LRRTM4: variants seen among roughly 807,000 people sequenced by gnomAD.
LRRTM4 encodes leucine rich repeat transmembrane neuronal 4.
Under a neutral mutation model 47.6 loss-of-function variants are expected in LRRTM4, and 25 were observed. That is an observed-to-expected ratio of 0.53 (90% confidence interval 0.38 to 0.73). The LOEUF (loss-of-function observed/expected upper bound fraction) is 0.73. Ranked by LOEUF, LRRTM4 falls within the 30% of genes least tolerant of loss-of-function variation. The pLI is 0.00. For synonymous variants in LRRTM4, 311 were observed against 269.5 expected (o/e 1.15, Z -1.51); for missense variants, 638 against 713.4 (o/e 0.89, Z 1.20).
At chr2:76,968,994 C>T (rs1274174386) in intron 3 of LRRTM4, among the ~76,000 whole-genome samples, 3 of 151,848 alleles carry the variant, frequency 2.0e-5, no homozygotes, top group South Asian at 2.1e-4. Flanking sequence ...GAGACCGCTG[C>T]CTTTATTGGC....
intron 3 of LRRTM4, among the ~76,000 whole-genome samples, chr2:77,087,504 T>G (rs557388227): frequency 6.6e-6 from 1 of 152,356 alleles, no homozygotes; most frequent in African/African-American, 2.4e-5. Context: ...AAAGCCCAAA[T>G]GTACTCAAGG....
intron 3 of LRRTM4, among the ~76,000 whole-genome samples, chr2:76,898,329 T>C (rs949729527): frequency 1.3e-5 from 2 of 152,038 alleles, no homozygotes; most frequent in South Asian, 4.1e-4. Context: ...ATCAGCAGAT[T>C]ACATAGCTTA....
chr2:76,820,880 C>A (rs1047488773), intron 3 of LRRTM4, among the ~76,000 whole-genome samples: 11 of 151,756 alleles, frequency 7.2e-5, no homozygotes, highest in Non-Finnish European at 1.6e-4. Flanking sequence ...CATCTGAATT[C>A]TCCATTTCAT....
rs1184915162 is a variant in LRRTM4, at chr2:77,114,322, C to T, written c.1552-365406G>A. ...GGAAACCAAGGACAGTGTTCTTCCACTGCCCTGAATACGGTAACATATTTT... is the reference window on the plus strand; with the variant it reads ...GGAAACCAAGGACAGTGTTCTTCCATTGCCCTGAATACGGTAACATATTTT... On this transcript the variant is annotated intron_variant, in intron 3 of 3. Coordinates refer to ENST00000409884, the MANE Select transcript of LRRTM4 (RefSeq NM_001134745.3). Among the ~76,000 whole-genome samples, 3 of 152,166 alleles carry T rather than the reference C, an allele frequency of 2.0e-5. No homozygotes were observed. The East Asian group carries it at 5.8e-4, about 29-fold the overall frequency.
chr2:77,433,434 T>C (rs1005725058), intron 3 of LRRTM4, among the ~76,000 whole-genome samples: 2 of 152,160 alleles, frequency 1.3e-5, no homozygotes, highest in Non-Finnish European at 2.9e-5. Flanking sequence ...CAAAACGGAT[T>C]GCCAAGTTCA....
At chr2:76,787,241 A>G (rs1674723571) in intron 3 of LRRTM4, among the ~76,000 whole-genome samples, 1 of 152,168 alleles carries the variant, frequency 6.6e-6, no homozygotes, top group Non-Finnish European at 1.5e-5. Flanking sequence ...GTGGGAAAAG[A>G]TTACTCCAGA....
At chr2:77,356,894 T>C (rs927462621) in intron 3 of LRRTM4, among the ~76,000 whole-genome samples, 2 of 152,138 alleles carry the variant, frequency 1.3e-5, no homozygotes, top group Non-Finnish European at 1.5e-5. Context: ...AATTAATTAA[T>C]GTATTTGATT....
At chr2:77,516,209 TCAA>T (rs1472973850) in intron 3 of LRRTM4, among the ~76,000 whole-genome samples, 3 of 151,888 alleles carry the variant, frequency 2.0e-5, no homozygotes, top group Non-Finnish European at 4.4e-5. Context: ...ACATTCATTT[TCAA>T]CAATACTAGT....
intron 3 of LRRTM4, among the ~76,000 whole-genome samples, chr2:77,170,493 A>G (rs1673015602): frequency 6.6e-6 from 1 of 152,192 alleles, no homozygotes; most frequent in South Asian, 2.1e-4. Flanking sequence ...ATTGTAGTCT[A>G]GAGAAACCTG....
At chr2:77,211,484 C>T (rs1674291738) in intron 3 of LRRTM4, among the ~76,000 whole-genome samples, 2 of 152,096 alleles carry the variant, frequency 1.3e-5, no homozygotes, top group Non-Finnish European at 2.9e-5. Flanking sequence ...GTGATTGGCC[C>T]AACTTCCAAT....
intron 3 of LRRTM4, among the ~76,000 whole-genome samples, chr2:77,259,515 TACTC>T (rs1435112135): frequency 3.9e-5 from 6 of 152,058 alleles, no homozygotes; most frequent in Admixed American, 1.3e-4. Flanking sequence ...AATCAAGACA[TACTC>T]ACTTTCGTGG....
chr2:77,388,238 A>G (rs370353280), intron 3 of LRRTM4, among the ~76,000 whole-genome samples: 15 of 152,256 alleles, frequency 9.9e-5, no homozygotes, highest in Middle Eastern at 3.4e-3. Context: ...AACAAAATGA[A>G]TCGTCACAGA....
At chr2:77,252,288 T>A (rs569217021) in intron 3 of LRRTM4, among the ~76,000 whole-genome samples, 203 of 152,260 alleles carry the variant, frequency 1.3e-3, no homozygotes, top group Non-Finnish European at 2.0e-3. Flanking sequence ...GGATCCTGCA[T>A]TGGCATATAT....
intron 3 of LRRTM4, among the ~76,000 whole-genome samples, chr2:77,230,939 TA>T (rs1345649768): frequency 2.0e-5 from 3 of 152,206 alleles, no homozygotes; most frequent in African/African-American, 7.2e-5. Context: ...AAAAGATTTC[TA>T]AATAAATACA....
intron 3 of LRRTM4, among the ~76,000 whole-genome samples, chr2:77,426,634 T>C (rs1004442269): frequency 6.6e-6 from 1 of 152,214 alleles, no homozygotes; most frequent in African/African-American, 2.4e-5. Flanking sequence ...GTGAGTGGTT[T>C]CTCACAATAT....
At chr2:76,791,094 G>A (rs1019146284) in intron 3 of LRRTM4, among the ~76,000 whole-genome samples, 1 of 152,162 alleles carries the variant, frequency 6.6e-6, no homozygotes, top group Non-Finnish European at 1.5e-5. Context: ...ACAGGATCCA[G>A]AATGGACATT....
chr2:77,187,685 C>T (rs183102662), intron 3 of LRRTM4, among the ~76,000 whole-genome samples: 1 of 152,022 alleles, frequency 6.6e-6, no homozygotes, highest in East Asian at 1.9e-4. Context: ...TTCTTTTAAA[C>T]AGTTCCTTAT....
At chr2:76,929,622 T>C (rs1674701126) in intron 3 of LRRTM4, among the ~76,000 whole-genome samples, 1 of 152,084 alleles carries the variant, frequency 6.6e-6, no homozygotes, top group Admixed American at 6.6e-5. Context: ...AGTGAGAGAG[T>C]AGACATGTTT....
intron 3 of LRRTM4, among the ~76,000 whole-genome samples, chr2:76,989,395 C>T (rs1676923053): frequency 1.3e-5 from 2 of 151,750 alleles, no homozygotes; most frequent in Non-Finnish European, 2.9e-5. Flanking sequence ...CGAATTACTT[C>T]ATTTGTGTTT....
Sources: allele counts gnomAD v4.1 joint callset (sites outside exome capture counted in the v4.1 genomes callset), GRCh38; gene constraint gnomAD v4.1.1; transcripts MANE v1.5; gene names NCBI Gene and HGNC (gene_info 2026-07-23, HGNC 2026-07-21).